Variants in CTNNA2 observed in about 807,000 individuals in gnomAD.
The protein encoded by CTNNA2 is catenin alpha 2.
In CTNNA2, 42 loss-of-function variants were observed where a neutral mutation model predicts 101.0. That is an observed-to-expected ratio of 0.42 (90% CI 0.32 to 0.54). The LOEUF (loss-of-function observed/expected upper bound fraction) is 0.54. Among genes scored for constraint, CTNNA2 ranks in the 20% least tolerant of loss-of-function variants. The probability of loss-of-function intolerance (pLI) is 0.14; values close to 1 mark genes in which losing one functional copy is unlikely to be tolerated. For missense variants in CTNNA2, 871 were observed against 1,223.1 expected (o/e 0.71, Z 4.29); for synonymous variants, 450 against 456.4 (o/e 0.99, Z 0.18).
chr2:80,134,025 G>A (rs1702557438), intron 7 of CTNNA2, among the ~76,000 whole-genome samples: 1 of 152,100 alleles, frequency 6.6e-6, no homozygotes, highest in South Asian at 2.1e-4. Flanking sequence ...ACGTGACAAT[G>A]ACTGGCTCAA....
At chr2:79,258,185 G>T (rs191213535) in intron 2 of CTNNA2, among the ~76,000 whole-genome samples, 1 of 152,314 alleles carries the variant, frequency 6.6e-6, no homozygotes, top group East Asian at 1.9e-4. Context: ...GGGGCAGGGG[G>T]TGGATAATTC....
At chr2:79,340,666 T>G (rs1677110696) in intron 3 of CTNNA2, among the ~76,000 whole-genome samples, 1 of 151,894 alleles carries the variant, frequency 6.6e-6, no homozygotes, top group African/African-American at 2.4e-5. Flanking sequence ...ACCCTGTCTC[T>G]ACTAAAAATA....
At chr2:79,676,710 A>G (rs1210496103) in intron 2 of CTNNA2, among the ~76,000 whole-genome samples, 3 of 152,202 alleles carry the variant, frequency 2.0e-5, no homozygotes, top group Admixed American at 2.0e-4. Context: ...CACACCATCA[A>G]GACTCCACAA....
intron 7 of CTNNA2, among the ~76,000 whole-genome samples, chr2:80,213,384 A>T (rs1184608471): frequency 6.6e-6 from 1 of 152,062 alleles, no homozygotes; most frequent in African/African-American, 2.4e-5. Flanking sequence ...CACTGCTTTA[A>T]ATGTGTCCCA....
At chr2:79,709,553 C>T (rs1186171420) in intron 2 of CTNNA2, among the ~76,000 whole-genome samples, 1 of 152,056 alleles carries the variant, frequency 6.6e-6, no homozygotes, top group Non-Finnish European at 1.5e-5. Flanking sequence ...CCAATTTTGG[C>T]TGTTATTACT....
intron 2 of CTNNA2, among the ~76,000 whole-genome samples, chr2:79,237,648 T>G (rs893171023): frequency 6.6e-6 from 1 of 152,238 alleles, no homozygotes; most frequent in African/African-American, 2.4e-5. Context: ...TCTTCAAAGA[T>G]CTTAGCTTGA....
At chr2:80,574,666 A>G (rs1694886530) in intron 13 of CTNNA2, among the ~76,000 whole-genome samples, 1 of 152,200 alleles carries the variant, frequency 6.6e-6, no homozygotes, top group Non-Finnish European at 1.5e-5. Context: ...AGAAATGAAG[A>G]TTACACAGCA....
chr2:79,804,804 C>T (rs1305242584), intron 3 of CTNNA2, among the ~76,000 whole-genome samples: 1 of 152,168 alleles, frequency 6.6e-6, no homozygotes, highest in Non-Finnish European at 1.5e-5. Flanking sequence ...AGTTATAGCA[C>T]TTTAATGGAT....
intron 14 of CTNNA2, chr2:80,586,135 T>C (rs1695951812): frequency 6.6e-6 from 1 of 152,174 alleles, no homozygotes; most frequent in African/African-American, 2.4e-5. Flanking sequence ...ATTAAGCTTC[T>C]ACTCTGGGCA....
intron 4 of CTNNA2, among the ~76,000 whole-genome samples, chr2:79,434,621 A>G (rs1678694013): frequency 6.6e-6 from 1 of 152,202 alleles, no homozygotes; most frequent in Non-Finnish European, 1.5e-5. Context: ...GCTCTGGGTG[A>G]TGCCAAATTC....
At chr2:80,074,488 G>A (rs528813536) in intron 7 of CTNNA2, among the ~76,000 whole-genome samples, 10 of 152,308 alleles carry the variant, frequency 6.6e-5, no homozygotes, top group African/African-American at 2.2e-4. Context: ...CAGAATGACA[G>A]TGTGACTCCC....
chr2:80,148,280 G>A (rs762413467), intron 7 of CTNNA2, among the ~76,000 whole-genome samples: 1 of 152,206 alleles, frequency 6.6e-6, no homozygotes, highest in Non-Finnish European at 1.5e-5. Flanking sequence ...GGTTACAAAA[G>A]TAGCATCAGC....
At chr2:80,376,189 T>G (rs917993019) in intron 7 of CTNNA2, among the ~76,000 whole-genome samples, 2 of 152,202 alleles carry the variant, frequency 1.3e-5, no homozygotes, top group African/African-American at 4.8e-5. Flanking sequence ...GTCTAATTCC[T>G]AAATCCTAAA....
intron 2 of CTNNA2, among the ~76,000 whole-genome samples, chr2:79,673,005 G>A (rs1230438063): frequency 6.6e-6 from 1 of 151,998 alleles, no homozygotes; most frequent in African/African-American, 2.4e-5. Flanking sequence ...ACAGGGCACG[G>A]CCTCTGTGCA....
intron 7 of CTNNA2, among the ~76,000 whole-genome samples, chr2:80,185,117 A>G (rs1375722517): frequency 6.6e-6 from 1 of 152,232 alleles, no homozygotes; most frequent in African/African-American, 2.4e-5. Flanking sequence ...CAAGGCTGCA[A>G]GTCAGCTGGG....
intron 3 of CTNNA2, among the ~76,000 whole-genome samples, chr2:79,794,847 A>G (rs1301570785): frequency 6.6e-6 from 1 of 152,158 alleles, no homozygotes; most frequent in African/African-American, 2.4e-5. Flanking sequence ...ATCTTACTTC[A>G]GGCTCCCTCT....
intron 4 of CTNNA2, among the ~76,000 whole-genome samples, chr2:79,397,745 C>G (rs2104477801): frequency 6.6e-6 from 1 of 152,136 alleles, no homozygotes; most frequent in South Asian, 2.1e-4. Context: ...CTCACTCTAA[C>G]CTCAAACTCC....
At chr2:80,503,432 T>G (rs1348522046) in intron 9 of CTNNA2, among the ~76,000 whole-genome samples, 1 of 152,148 alleles carries the variant, frequency 6.6e-6, no homozygotes, top group Non-Finnish European at 1.5e-5. Flanking sequence ...TTTATTAGCA[T>G]TATAGCCTCT....
At chr2:80,178,811 C>A (rs1346469943) in intron 7 of CTNNA2, among the ~76,000 whole-genome samples, 1 of 152,112 alleles carries the variant, frequency 6.6e-6, no homozygotes, top group Non-Finnish European at 1.5e-5. Context: ...TTGATAGGCC[C>A]CACAACACTG....
Sources: gnomAD v4.1 joint callset for allele counts (sites outside exome capture counted in the v4.1 genomes callset) on GRCh38, gnomAD v4.1.1 for gene constraint, MANE v1.5 for transcripts, NCBI Gene and HGNC (gene_info 2026-07-23, HGNC 2026-07-21) for gene names.